The following RSRC1 variants were observed in gnomAD, a reference collection of about 807,000 sequenced individuals.
The protein encoded by RSRC1 is arginine and serine rich coiled-coil 1, also known as serine/Arginine-related protein 53.
In RSRC1, 39 loss-of-function variants were observed where a neutral mutation model predicts 49.1. The observed-to-expected ratio is 0.79, with a 90% CI of 0.61 to 1.04. The LOEUF (loss-of-function observed/expected upper bound fraction) is 1.04. Ranked by LOEUF, RSRC1 falls within the 50% of genes least tolerant of loss-of-function variation. RSRC1 has a pLI of 0.00. For missense variants in RSRC1, 388 were observed against 402.4 expected, an observed-to-expected ratio of 0.96 and a Z score of 0.31; for synonymous variants, 143 against 130.8, an observed-to-expected ratio of 1.09 and a Z score of -0.63.
chr3:158,430,070 C>CA (rs1288852986), intron 6 of RSRC1, among the ~76,000 whole-genome samples: 9 of 82,270 alleles, frequency 1.1e-4, no homozygotes, highest in African/African-American at 2.3e-4. Flanking sequence ...AAACCACACA[C>CA]ACAAAAAAAA....
rs1711946199 is a variant in RSRC1, at chr3:158,525,376, G to T, written c.653-11716G>T. 2.0e-5 allele frequency among the ~76,000 whole-genome samples: 3 copies of T among 151,864 alleles called. No homozygotes were observed. In the South Asian group the frequency reaches 6.2e-4, roughly 31 times the overall value. The stretch of plus-strand genomic sequence containing the variant: ...GAAATACATTACACCAATTAGAATG[G>T]CTGTGAGTTAAAAATCTGATAACGC... On this transcript the variant is annotated intron_variant, in intron 7 of 9. Transcript: ENST00000611884.
chr3:158,220,652 C>T (rs1002023345), intron 4 of RSRC1, among the ~76,000 whole-genome samples: 3 of 151,318 alleles, frequency 2.0e-5, no homozygotes, highest in African/African-American at 7.3e-5. Context: ...CTTTTTCTTC[C>T]TTCCTTTCTT....
At chr3:158,302,057 C>CTTT (rs34995600) in intron 5 of RSRC1, among the ~76,000 whole-genome samples, 47 of 143,734 alleles carry the variant, frequency 3.3e-4, no homozygotes, top group East Asian at 1.0e-3. Flanking sequence ...TTTTGTTTTC[C>CTTT]TTTTTTTTTG....
At chr3:158,528,386 G>GA (rs1406600302) in intron 7 of RSRC1, among the ~76,000 whole-genome samples, 1 of 151,856 alleles carries the variant, frequency 6.6e-6, no homozygotes, top group Non-Finnish European at 1.5e-5. Context: ...AATTAGCGGG[G>GA]AAAAATCTCC....
Position 158,358,798 on chromosome 3 carries a change from C to T in RSRC1, c.583+3890C>T, listed in dbSNP as rs570393103. Among the ~76,000 whole-genome samples the T allele has an allele frequency of 1.4e-3, 210 of 152,146 alleles. 1 individual carries two copies. Among genetic ancestry groups the T allele is most frequent in the African/African-American group, 4.9e-3 (202 of 41,520 alleles). ...AAGCCCTTGACAACCACCATTCTCC[C>T]TCTGTCTCCGTTTGTCTATTCTGGA... On this transcript the variant is annotated intron_variant, in intron 6 of 9. Transcript: ENST00000611884.
At chr3:158,279,801 G>T (rs1159726483) in intron 4 of RSRC1, among the ~76,000 whole-genome samples, 1 of 152,202 alleles carries the variant, frequency 6.6e-6, no homozygotes, top group South Asian at 2.1e-4. Flanking sequence ...CTAGATGTAA[G>T]TTGTGCTTAT....
chr3:158,159,264 A>G (rs905163173), intron 3 of RSRC1, among the ~76,000 whole-genome samples: 13 of 152,196 alleles, frequency 8.5e-5, no homozygotes, highest in Non-Finnish European at 1.3e-4. Flanking sequence ...CTGCAAAACT[A>G]TGAAAGTAAG....
intron 8 of RSRC1, among the ~76,000 whole-genome samples, chr3:158,537,870 G>C (rs147046331): frequency 6.6e-6 from 1 of 151,656 alleles, no homozygotes. Context: ...ATAATATCCT[G>C]TTGATGTCTC....
intron 3 of RSRC1, among the ~76,000 whole-genome samples, chr3:158,164,405 A>T (rs1417919099): frequency 6.6e-6 from 1 of 152,070 alleles, no homozygotes; most frequent in Non-Finnish European, 1.5e-5. Flanking sequence ...TTGATTTTTT[A>T]AATATTAAGA....
chr3:158,189,076 A>G lies in RSRC1; in HGVS notation c.321-13996A>G, dbSNP rs1046068840. ...TTCTCATTGTGATTTCTTCTTTCCC[A>G]TGGGATATATAAACATATATTACTT... On this transcript the variant is annotated intron_variant, in intron 3 of 9. Coordinates refer to ENST00000611884, the MANE Select transcript of RSRC1 (RefSeq NM_001271838.2). Among the ~76,000 whole-genome samples, 7 of 151,764 alleles carry G rather than the reference A, an allele frequency of 4.6e-5. No homozygotes were observed. In the South Asian group the frequency reaches 1.0e-3, roughly 22 times the overall value.
At chr3:158,519,582 T>C (rs974025556) in intron 7 of RSRC1, among the ~76,000 whole-genome samples, 1 of 151,994 alleles carries the variant, frequency 6.6e-6, no homozygotes, top group African/African-American at 2.4e-5. Flanking sequence ...GAAGGCCAGT[T>C]TGGCAAGGGG....
At chr3:158,219,821 C>T (rs1722133940) in intron 4 of RSRC1, among the ~76,000 whole-genome samples, 1 of 151,478 alleles carries the variant, frequency 6.6e-6, no homozygotes, top group Admixed American at 6.6e-5. Flanking sequence ...AGTTCAGAAA[C>T]TTACCAGTTA....
At chr3:158,488,012 A>G (rs1362162445) in intron 7 of RSRC1, among the ~76,000 whole-genome samples, 1 of 149,296 alleles carries the variant, frequency 6.7e-6, no homozygotes, top group African/African-American at 2.5e-5. Flanking sequence ...AAGAAAACCC[A>G]AGAGACAATA....
intron 6 of RSRC1, among the ~76,000 whole-genome samples, chr3:158,388,929 C>T (rs1325629836): frequency 6.6e-6 from 1 of 152,072 alleles, no homozygotes; most frequent in Non-Finnish European, 1.5e-5. Flanking sequence ...TTTAATATGA[C>T]CCTTACCCCT....
intron 6 of RSRC1, among the ~76,000 whole-genome samples, chr3:158,456,905 T>A (rs1737357840): frequency 6.6e-6 from 1 of 152,170 alleles, no homozygotes; most frequent in Admixed American, 6.6e-5. Context: ...GGGTTTTAAA[T>A]GGTATGTGAA....
chr3:158,212,266 T>G (rs1450320231), intron 4 of RSRC1, among the ~76,000 whole-genome samples: 2 of 151,884 alleles, frequency 1.3e-5, no homozygotes, highest in East Asian at 1.9e-4. Context: ...GTGATAACAT[T>G]GCATTTTTTT....
intron 5 of RSRC1, among the ~76,000 whole-genome samples, chr3:158,343,859 CAAAGG>C (rs1166984639): frequency 1.3e-5 from 2 of 151,794 alleles, no homozygotes; most frequent in Non-Finnish European, 2.9e-5. Flanking sequence ...ATGGAGTTGC[CAAAGG>C]AAAGGAAAGG....
chr3:158,323,420 T>G (rs1160547438), intron 5 of RSRC1, among the ~76,000 whole-genome samples: 1 of 152,190 alleles, frequency 6.6e-6, no homozygotes, highest in African/African-American at 2.4e-5. Flanking sequence ...AAATTCACAA[T>G]TCTCCCGGAC....
intron 7 of RSRC1, chr3:158,496,823 A>G (rs986804691): frequency 3.3e-5 from 7 of 215,084 alleles, no homozygotes; most frequent in Non-Finnish European, 7.0e-5. Flanking sequence ...GGCCTCAGAG[A>G]GGGAAAACCC....
Sources: allele counts gnomAD v4.1 joint callset (sites outside exome capture counted in the v4.1 genomes callset), GRCh38; gene constraint gnomAD v4.1.1; transcripts MANE v1.5; gene names NCBI Gene and HGNC (gene_info 2026-07-23, HGNC 2026-07-21).